The following ARL5A variants were observed in gnomAD, a reference collection of about 807,000 sequenced individuals.
ARL5A encodes ADP-ribosylation factor-like protein 5A.
In ARL5A, 18 loss-of-function variants were observed where a neutral mutation model predicts 25.9. That is an observed-to-expected ratio of 0.69 (90% CI 0.48 to 1.03). The LOEUF is 1.03. ARL5A is among the 50% of genes least tolerant of loss of function. ARL5A has a pLI of 0.00. For synonymous variants in ARL5A, 61 were observed against 67.5 expected (o/e 0.90, Z 0.47); for missense variants, 170 against 211.9 (o/e 0.80, Z 1.23).
chr2:151,804,945 C>T (rs2099829894), intron 5 of ARL5A, among the ~76,000 whole-genome samples: 1 of 152,124 alleles, frequency 6.6e-6, no homozygotes, highest in African/African-American at 2.4e-5. Flanking sequence ...CTATTATTTT[C>T]CTATTTTTAA....
intron 1 of ARL5A, among the ~76,000 whole-genome samples, chr2:151,818,461 G>C (rs532007017): frequency 6.6e-6 from 1 of 152,230 alleles, no homozygotes; most frequent in East Asian, 1.9e-4. Context: ...TTCTTTTGTA[G>C]AGATGGGATG....
rs1017217245 is a variant in ARL5A at position 151,802,076 on chromosome 2, T to C, written c.*1200A>G. 3.3e-5 allele frequency: 5 copies of C among 152,124 alleles called. No individual in the cohort carries two copies. The highest frequency in any genetic ancestry group is 6.5e-5 in the Admixed American group (1 of 15,268). The allele number at this position is 152,124 out of a possible 1,614,324, so 9.4% of individuals were successfully genotyped here. A position where few individuals can be genotyped will look rare whatever the true frequency, so the allele number is the denominator to read the frequency against. On this transcript the variant is annotated 3_prime_UTR_variant, in exon 6 of 6. Coordinates refer to ENST00000295087, the MANE Select transcript of ARL5A (RefSeq NM_012097.4). ...TTCAAAAAACACTTGCATTTTATAA[T>C]TGTCAATGCATTTATGTAATAGAAG...
chr2:151,805,002 T>C (rs2099829901), intron 5 of ARL5A, among the ~76,000 whole-genome samples: 1 of 152,196 alleles, frequency 6.6e-6, no homozygotes, highest in African/African-American at 2.4e-5. Context: ...AGTTAATATC[T>C]ATACTAATGA....
chr2:151,819,656 A>G (rs550468136), intron 1 of ARL5A, among the ~76,000 whole-genome samples: 1 of 152,202 alleles, frequency 6.6e-6, no homozygotes, highest in South Asian at 2.1e-4. Context: ...TCCTTACTTC[A>G]GCCATGTCCT....
At chr2:151,822,646 T>C (rs370720187) in intron 1 of ARL5A, among the ~76,000 whole-genome samples, 12 of 152,218 alleles carry the variant, frequency 7.9e-5, no homozygotes, top group East Asian at 7.7e-4. Flanking sequence ...TGTGGACAAA[T>C]GCAATAAAAC....
rs765866459 is a variant in ARL5A, at chr2:151,828,132, C to G, written c.45G>C (p.Gln15His). 6.2e-7 allele frequency: 1 copy of G among 1,610,376 alleles called. No homozygotes were observed. The highest frequency in any genetic ancestry group is 1.3e-5 in the African/African-American group (1 of 74,528). The change falls in exon 1 of 6, where the codon CAG (glutamine) becomes CAC (histidine). Residue 15 changes from glutamine (Q) to histidine (H), a missense_variant and splice_region_variant. Gln to His is a conservative substitution (Grantham distance 24, BLOSUM62 0). Coordinates refer to ENST00000295087, the MANE Select transcript of ARL5A (RefSeq NM_012097.4). ...ACGCCCGCGGACCGAGCTCCTCACC[C>G]TGGTGATTGAACAGTCTCCATATTC... ...FTRIWRLFNH[Q>H]EHKVIIVGLD...
rs1361115988 is a variant in ARL5A, at chr2:151,800,066, C to G, written c.*3210G>C. 6.6e-6 allele frequency: 1 copy of G among 152,192 alleles called. No individual in the cohort carries two copies. Among genetic ancestry groups the G allele is most frequent in the African/African-American group, 2.4e-5 (1 of 41,444 alleles). 9.4% of individuals were successfully genotyped at this position (152,192 alleles called of 1,614,324 possible). On this transcript the variant is annotated 3_prime_UTR_variant, in exon 6 of 6. Transcript: ENST00000295087. ...ATACAACTGGGCAGTTGAGAGAAGA[C>G]TGGAGTTTGGAGATAACCGATGATG...
At chr2:151,811,119 T>A (rs912426944) in intron 4 of ARL5A, among the ~76,000 whole-genome samples, 32 of 152,266 alleles carry the variant, frequency 2.1e-4, no homozygotes, top group African/African-American at 7.5e-4. Flanking sequence ...TAGGAAAAGG[T>A]GCATCTTGGT....
At chr2:151,807,367 T>C (rs1375370786) in intron 4 of ARL5A, among the ~76,000 whole-genome samples, 2 of 152,208 alleles carry the variant, frequency 1.3e-5, no homozygotes, top group African/African-American at 2.4e-5. Context: ...TCTGCTGTAA[T>C]TAGCAACCTA....
rs775019581 is a variant in ARL5A, at chr2:151,824,727, G to C, written c.46+3404C>G. Among the ~76,000 whole-genome samples the C allele has an allele frequency of 6.6e-5, 10 of 152,180 alleles. No homozygotes were observed. In the South Asian group the frequency reaches 8.3e-4, roughly 13 times the overall value. ...TTCTTATACAAAGTCCTTCTTACAC[G>C]AAGTTGTGTGCAAATGTGCGTGCGT... is the stretch of plus-strand genomic sequence containing the variant. On this transcript the variant is annotated intron_variant, in intron 1 of 5. Transcript: ENST00000295087.
chr2:151,826,945 T>TGC (rs1553735141), intron 1 of ARL5A, among the ~76,000 whole-genome samples: 20 of 152,230 alleles, frequency 1.3e-4, no homozygotes, highest in South Asian at 2.1e-4. Flanking sequence ...TGTGTGTGTG[T>TGC]GCGTAAAAGA....
intron 1 of ARL5A, among the ~76,000 whole-genome samples, chr2:151,816,329 G>A (rs10182533): frequency 0.16 from 23,616 of 152,144 alleles, 2,739 homozygotes; most frequent in African/African-American, 0.33. Flanking sequence ...CATCTTGGAC[G>A]TGCAGCCTGG....
In ARL5A at chr2:151,806,815, T is replaced by C; in HGVS notation, c.491+6A>G. 1 of 1,599,652 alleles carries C rather than the reference T, an allele frequency of 6.3e-7. No individual in the cohort carries two copies. Among genetic ancestry groups the C allele is most frequent in the Non-Finnish European group, 8.5e-7 (1 of 1,176,280 alleles). Reference sequence around the variant, plus strand: ...TTCGATAACATTTAAGAGGAAGATGTCTTACCCCTCGCCAGTTAGAGCACA... The same window carrying C: ...TTCGATAACATTTAAGAGGAAGATGCCTTACCCCTCGCCAGTTAGAGCACA... On this transcript the variant is annotated splice_donor_region_variant and intron_variant, in intron 5 of 5. Coordinates refer to ENST00000295087, the MANE Select transcript of ARL5A (RefSeq NM_012097.4).
chr2:151,811,417 C>T (rs2099830825), intron 4 of ARL5A, among the ~76,000 whole-genome samples: 1 of 151,758 alleles, frequency 6.6e-6, no homozygotes, highest in East Asian at 1.9e-4. Flanking sequence ...AATAAGATAT[C>T]CAAAAATAAT....
intron 3 of ARL5A, among the ~76,000 whole-genome samples, chr2:151,813,799 A>G (rs1428550490): frequency 1.3e-5 from 2 of 152,232 alleles, no homozygotes; most frequent in East Asian, 3.8e-4. Context: ...AAAAGAAAAT[A>G]GTAAAACTGG....
In ARL5A at chr2:151,806,796, AACATTT is replaced by A. The variant is rs1473717854; in HGVS notation, c.491+19_491+24del. On this transcript the variant is annotated intron_variant, in intron 5 of 5. Coordinates refer to ENST00000295087, the MANE Select transcript of ARL5A (RefSeq NM_012097.4). ...TTACTAAGCAAAATAAATGTTCGAT[AACATTT>A]AAGAGGAAGATGTCTTACCCCTCGC... 6.3e-7 allele frequency: 1 copy of A among 1,580,886 alleles called. No homozygotes were observed. Among genetic ancestry groups the A allele is most frequent in the East Asian group, 2.2e-5 (1 of 44,598 alleles).
intron 1 of ARL5A, among the ~76,000 whole-genome samples, chr2:151,824,936 C>T (rs138083476): frequency 6.6e-6 from 1 of 152,222 alleles, no homozygotes; most frequent in Non-Finnish European, 1.5e-5. Flanking sequence ...GGAATAATAT[C>T]TACCTTGTAG....
chr2:151,827,613 G>C (rs1380671638), intron 1 of ARL5A: 1 of 153,628 alleles, frequency 6.5e-6, no homozygotes, highest in East Asian at 1.9e-4. Flanking sequence ...AAAGACGGGT[G>C]GCAGTGGAGG....
At chr2:151,811,297 C>T (rs541620011) in intron 4 of ARL5A, among the ~76,000 whole-genome samples, 10 of 151,966 alleles carry the variant, frequency 6.6e-5, no homozygotes, top group African/African-American at 9.7e-5. Context: ...CAAAGATATC[C>T]GTGTTTTCCT....
Sources: gnomAD v4.1 joint callset for allele counts (sites outside exome capture counted in the v4.1 genomes callset) on GRCh38, gnomAD v4.1.1 for gene constraint, MANE v1.5 for transcripts, NCBI Gene and HGNC (gene_info 2026-07-23, HGNC 2026-07-21) for gene names.